TAFA4: variants seen among roughly 807,000 people sequenced by gnomAD.
TAFA4 encodes the protein chemokine-like protein TAFA-4.
A neutral mutation model predicts 21.1 loss-of-function variants in TAFA4; 20 were observed. That is an observed-to-expected ratio of 0.95 (90% confidence interval 0.67 to 1.38). TAFA4 has a LOEUF of 1.38. Among genes scored for constraint, TAFA4 ranks in the 40% most tolerant of loss-of-function variants. The pLI is 0.00. For missense variants in TAFA4, 211 were observed against 180.9 expected, an observed-to-expected ratio of 1.17 and a Z score of -0.95; for synonymous variants, 71 against 67.4, an observed-to-expected ratio of 1.05 and a Z score of -0.26.
At chr3:68,924,508 ACAGAGTT>A in intron 1 of TAFA4, among the ~76,000 whole-genome samples, 1 of 152,350 alleles carries the variant, frequency 6.6e-6, no homozygotes, top group East Asian at 1.9e-4. Context: ...TTTCATGGGT[ACAGAGTT>A]CAGTTTTGCA....
At chr3:68,800,636 C>A (rs770778073) in intron 3 of TAFA4, among the ~76,000 whole-genome samples, 1 of 152,202 alleles carries the variant, frequency 6.6e-6, no homozygotes, top group African/African-American at 2.4e-5. Flanking sequence ...TATCCACACT[C>A]AACTCCCCAA....
chr3:68,742,105 G>T (rs1165867797), intron 4 of TAFA4, among the ~76,000 whole-genome samples: 2 of 152,016 alleles, frequency 1.3e-5, no homozygotes, highest in Admixed American at 1.3e-4. Context: ...CAGAATGAAG[G>T]ATAAAAATCA....
chr3:68,869,966 A>T (rs1247431043), intron 3 of TAFA4, among the ~76,000 whole-genome samples: 1 of 152,130 alleles, frequency 6.6e-6, no homozygotes, highest in Admixed American at 6.6e-5. Flanking sequence ...AAGCCTAAAG[A>T]TTCCAACAAA....
At chr3:68,841,936 C>T (rs1465491772) in intron 3 of TAFA4, among the ~76,000 whole-genome samples, 1 of 152,118 alleles carries the variant, frequency 6.6e-6, no homozygotes, top group Non-Finnish European at 1.5e-5. Flanking sequence ...TTTCTTAATC[C>T]AGTCTATCAT....
chr3:68,867,976 AG>A (rs770130077), intron 3 of TAFA4, among the ~76,000 whole-genome samples: 7 of 152,116 alleles, frequency 4.6e-5, no homozygotes, highest in African/African-American at 7.2e-5. Context: ...ACAATATGAC[AG>A]TGGTAAGTAC....
At chr3:68,784,529 C>T (rs1703213586) in intron 3 of TAFA4, among the ~76,000 whole-genome samples, 2 of 151,836 alleles carry the variant, frequency 1.3e-5, no homozygotes, top group African/African-American at 4.8e-5. Flanking sequence ...TGGAGTTCTT[C>T]GTTCCTCCCA....
intron 1 of TAFA4, among the ~76,000 whole-genome samples, chr3:68,918,764 C>T (rs1014195977): frequency 6.6e-6 from 1 of 152,200 alleles, no homozygotes; most frequent in African/African-American, 2.4e-5. Flanking sequence ...TGGTCTCGAA[C>T]TTCTGGGCTC....
intron 4 of TAFA4, among the ~76,000 whole-genome samples, chr3:68,741,198 G>A (rs1329958142): frequency 1.3e-5 from 2 of 152,134 alleles, no homozygotes; most frequent in Non-Finnish European, 2.9e-5. Context: ...CTGGAATTTT[G>A]TTAGGGATTG....
chr3:68,894,874 AAC>A (rs2089771620), intron 1 of TAFA4, among the ~76,000 whole-genome samples: 1 of 151,490 alleles, frequency 6.6e-6, no homozygotes. Context: ...TGTTTTTTGT[AAC>A]AGAGTTTCAC....
chr3:68,839,789 G>T (rs1412884899), intron 3 of TAFA4, among the ~76,000 whole-genome samples: 6 of 152,136 alleles, frequency 3.9e-5, no homozygotes, highest in African/African-American at 1.4e-4. Context: ...TACAGCTAAA[G>T]GGGAAAGCGT....
intron 3 of TAFA4, among the ~76,000 whole-genome samples, chr3:68,804,154 C>A (rs1384432060): frequency 1.3e-5 from 2 of 152,064 alleles, no homozygotes; most frequent in African/African-American, 2.4e-5. Flanking sequence ...CTCCACGAAA[C>A]ATCATGAATT....
chr3:68,830,817 G>C (rs910589138), intron 3 of TAFA4, among the ~76,000 whole-genome samples: 2 of 152,122 alleles, frequency 1.3e-5, no homozygotes, highest in African/African-American at 2.4e-5. Flanking sequence ...TATTGTGTGG[G>C]AGTCTAAGTC....
chr3:68,895,352 C>G (rs533723413), intron 1 of TAFA4, among the ~76,000 whole-genome samples: 3 of 152,314 alleles, frequency 2.0e-5, no homozygotes, highest in Admixed American at 6.5e-5. Flanking sequence ...CCAGGCTGGT[C>G]GTGAACTCCT....
chr3:68,786,046 G>A (rs900927412), intron 3 of TAFA4, among the ~76,000 whole-genome samples: 2 of 152,128 alleles, frequency 1.3e-5, no homozygotes, highest in South Asian at 2.1e-4. Context: ...AATAAACTAC[G>A]TTAAGTCCCC....
chr3:68,797,997 T>C (rs1703489116), intron 3 of TAFA4, among the ~76,000 whole-genome samples: 1 of 152,248 alleles, frequency 6.6e-6, no homozygotes, highest in South Asian at 2.1e-4. Context: ...ATGAAATAGG[T>C]GATGAATGAA....
chr3:68,910,936 T>G (rs2089955724), intron 1 of TAFA4, among the ~76,000 whole-genome samples: 1 of 152,240 alleles, frequency 6.6e-6, no homozygotes, highest in Non-Finnish European at 1.5e-5. Flanking sequence ...ATATCAACTC[T>G]TACCTCCTAT....
chr3:68,845,046 G>C (rs969352646), intron 3 of TAFA4, among the ~76,000 whole-genome samples: 3 of 152,188 alleles, frequency 2.0e-5, no homozygotes, highest in African/African-American at 7.2e-5. Context: ...GCTTGGTCCA[G>C]AGCTGAGTTC....
At chr3:68,830,145 G>A (rs1704348888) in intron 3 of TAFA4, among the ~76,000 whole-genome samples, 2 of 152,020 alleles carry the variant, frequency 1.3e-5, no homozygotes, top group Admixed American at 6.6e-5. Context: ...CCAGCTCCTG[G>A]ATTCATTGAT....
At chr3:68,925,482 C>T (rs1482096747) in intron 1 of TAFA4, among the ~76,000 whole-genome samples, 1 of 152,138 alleles carries the variant, frequency 6.6e-6, no homozygotes, top group Admixed American at 6.5e-5. Flanking sequence ...CTTAATTAAA[C>T]ATCACACTGT....
Sources: allele counts gnomAD v4.1 joint callset (sites outside exome capture counted in the v4.1 genomes callset), GRCh38; gene constraint gnomAD v4.1.1; transcripts MANE v1.5; gene names NCBI Gene and HGNC (gene_info 2026-07-23, HGNC 2026-07-21).